The following TMC2 variants were observed in gnomAD, a reference collection of about 807,000 sequenced individuals.
TMC2 encodes transmembrane channel like 2.
A neutral mutation model predicts 105.9 loss-of-function variants in TMC2; 102 were observed. That is an observed-to-expected ratio of 0.96 (90% CI 0.82 to 1.14). The LOEUF is 1.14. TMC2 is among the 50% of genes most tolerant of loss of function. The probability of loss-of-function intolerance (pLI) is 0.00; values close to 1 mark genes in which losing one functional copy is unlikely to be tolerated. For synonymous variants in TMC2, 402 were observed against 422.8 expected, an observed-to-expected ratio of 0.95 and a Z score of 0.60; for missense variants, 1,093 against 1,134.3, an observed-to-expected ratio of 0.96 and a Z score of 0.52.
At position 2,610,457 on chromosome 20, in the gene TMC2, C is replaced by G. The variant is rs1196722539; in HGVS notation, c.1452C>G (p.Pro484=). The G allele has an allele frequency of 1.2e-6, 2 of 1,613,046 alleles. No homozygotes were observed. The highest frequency in any genetic ancestry group is 1.7e-6 in the Non-Finnish European group (2 of 1,179,500). Residue 484 remains proline (P), a synonymous_variant, in exon 12 of 20, where the codon CCC becomes CCG. Transcript: ENST00000358864. The stretch of plus-strand genomic sequence containing the variant: ...TGTCCCTGCTTGGAATGTTTTGTCC[C>G]CCTCTGTTTGAAACCATCGCTGCCC... ...IVMSLLGMFC[P]PLFETIAALE...
intron 10 of TMC2, among the ~76,000 whole-genome samples, chr20:2,600,310 C>CA (rs1226690354): frequency 6.6e-6 from 1 of 152,166 alleles, no homozygotes; most frequent in Non-Finnish European, 1.5e-5. Flanking sequence ...CTGGTTCTAC[C>CA]AATTACTCTG....
intron 4 of TMC2, among the ~76,000 whole-genome samples, chr20:2,568,530 A>G (rs1376392828): frequency 6.6e-6 from 1 of 152,192 alleles, no homozygotes; most frequent in African/African-American, 2.4e-5. Flanking sequence ...GCTGGGCTCA[A>G]TGACTCAGGC....
chr20:2,538,577 C>T (rs565945891), intron 2 of TMC2, among the ~76,000 whole-genome samples: 1 of 152,294 alleles, frequency 6.6e-6, no homozygotes, highest in East Asian at 1.9e-4. Flanking sequence ...AGCCTGGCCT[C>T]CCTCTGCCTC....
At position 2,561,172 on chromosome 20, in the gene TMC2, A is replaced by G. The variant is rs533346281; in HGVS notation, c.402-686A>G. Among the ~76,000 whole-genome samples, 9 of 152,366 alleles carry G rather than the reference A, an allele frequency of 5.9e-5. No individual in the cohort carries two copies. The East Asian group carries it at 1.7e-3, about 29-fold the overall frequency. On this transcript the variant is annotated intron_variant, in intron 3 of 19. Transcript: ENST00000358864. ...TGATTTGATTTGACTTTGAAGCCAA[A>G]ACAGTTCTTCTACAAAAAGACAAAC...
intron 11 of TMC2, among the ~76,000 whole-genome samples, chr20:2,604,818 A>G (rs1037634509): frequency 2.0e-5 from 3 of 152,206 alleles, no homozygotes; most frequent in African/African-American, 7.2e-5. Context: ...GAGTTTGAAG[A>G]GTGGGCCTGG....
At chr20:2,627,500 A>G (rs1247142602) in intron 17 of TMC2, among the ~76,000 whole-genome samples, 1 of 152,210 alleles carries the variant, frequency 6.6e-6, no homozygotes, top group Admixed American at 6.5e-5. Context: ...CTGTGGCAGT[A>G]ATTAACTCTG....
intron 7 of TMC2, among the ~76,000 whole-genome samples, chr20:2,584,641 C>G (rs117191302): frequency 0.018 from 2,689 of 152,124 alleles, 43 homozygotes; most frequent in Middle Eastern, 0.034. Context: ...ACAGTCATCT[C>G]TTATTTTCTA....
At chr20:2,595,114 G>A in intron 9 of TMC2, 147 bp downstream of exon 9, 1 of 954,520 alleles carries the variant, frequency 1.0e-6, no homozygotes, top group Non-Finnish European at 1.6e-6. Context: ...TATAATTTGT[G>A]GTATGAAAGA....
chr20:2,605,106 G>A (rs1447892580), intron 11 of TMC2, among the ~76,000 whole-genome samples: 10 of 152,134 alleles, frequency 6.6e-5, no homozygotes, highest in Admixed American at 6.6e-4. Context: ...TTCACCTGTG[G>A]AGTCTGTGCT....
chr20:2,635,282 C>T (rs1488422758), intron 17 of TMC2, among the ~76,000 whole-genome samples: 1 of 152,178 alleles, frequency 6.6e-6, no homozygotes, highest in Non-Finnish European at 1.5e-5. Context: ...TGCTAGGGCA[C>T]TCTGAGCAGG....
chr20:2,554,658 A>G (rs114558536), intron 2 of TMC2, among the ~76,000 whole-genome samples: 1,884 of 152,268 alleles, frequency 0.012, 37 homozygotes, highest in African/African-American at 0.043. Flanking sequence ...GTAGTCCAAA[A>G]TATTTTTTCA....
At position 2,616,529 on chromosome 20, in the gene TMC2, G is replaced by A. The variant is rs902446730; in HGVS notation, c.1940+325G>A. On this transcript the variant is annotated intron_variant, in intron 15 of 19. Coordinates refer to ENST00000358864, the MANE Select transcript of TMC2 (RefSeq NM_080751.3). This position sits in a 1 kb window ranked among gnomAD's most constrained non-coding sequence, Gnocchi z 4.8. ...GACAAAGGAAAGGGAAAAGGAAGGA[G>A]TAAAGAAGAGGAGGAAAAGAGGAGG... Among the ~76,000 whole-genome samples the A allele has an allele frequency of 1.2e-4, 17 of 138,398 alleles. No homozygotes were observed. The highest frequency in any genetic ancestry group is 5.3e-4 in the African/African-American group (17 of 32,154). 90.8% of individuals were successfully genotyped at this position (138,398 alleles called of 152,430 possible). A position where few individuals can be genotyped will look rare whatever the true frequency, so the allele number is the denominator to read the frequency against.
intron 13 of TMC2, 35 bp downstream of exon 13, chr20:2,612,375 G>C: frequency 1.4e-6 from 2 of 1,473,096 alleles, no homozygotes; most frequent in Non-Finnish European, 9.1e-7. Context: ...GGTGACCCCT[G>C]TTCTCAGTTC....
intron 16 of TMC2, among the ~76,000 whole-genome samples, chr20:2,619,938 G>T (rs1236822891): frequency 6.6e-6 from 1 of 152,162 alleles, no homozygotes; most frequent in Non-Finnish European, 1.5e-5. Flanking sequence ...GGCTAGCCAG[G>T]CATGGTGGTA....
intron 9 of TMC2, 34 bp downstream of exon 9, chr20:2,595,001 T>A: frequency 6.2e-7 from 1 of 1,600,088 alleles, no homozygotes; most frequent in Non-Finnish European, 8.5e-7. Flanking sequence ...AGGCTTTGAC[T>A]TCACAGCCAC....
rs1301827322 is a variant in TMC2 at position 2,558,682 on chromosome 20, G to C, written c.309G>C (p.Glu103Asp). ...GCGAGGGCAGGAGAAAGCGCGACGA[G>C]AGGGCCTCCTTCCAGGAGCGGACAG... is the stretch of plus-strand genomic sequence containing the variant. Reference protein sequence around the residue: ...RTCEGRRKRDERASFQERTAA... With the variant: ...RTCEGRRKRDDRASFQERTAA... Residue 103 changes from glutamate to aspartate, a missense_variant, in exon 3 of 20, where the codon GAG (glutamate) becomes GAC (aspartate). Coordinates refer to ENST00000358864, the MANE Select transcript of TMC2 (RefSeq NM_080751.3). This position sits in a 1 kb window ranked among gnomAD's most constrained non-coding sequence, Gnocchi z 4.6. The C allele has an allele frequency of 1.9e-6, 3 of 1,601,662 alleles. No homozygotes were observed. The highest frequency in any genetic ancestry group is 1.7e-4 in the Middle Eastern group (1 of 6,044).
rs574761418 is a variant in TMC2 at position 2,576,909 on chromosome 20, T to G, written c.646-2237T>G. ...TTGGGGTTTCTTCTTGGTTTTTTTT[T>G]TTTGTTTTTTTTTTTTTGAGATGGA... On this transcript the variant is annotated intron_variant, in intron 5 of 19. Coordinates refer to ENST00000358864, the MANE Select transcript of TMC2 (RefSeq NM_080751.3). 4.1e-5 allele frequency among the ~76,000 whole-genome samples: 5 copies of G among 121,580 alleles called. No homozygotes were observed. In the East Asian group the frequency reaches 9.1e-4, roughly 22 times the overall value. 79.8% of individuals were successfully genotyped at this position (121,580 alleles called of 152,430 possible).
intron 13 of TMC2, 71 bp from the exon 14 acceptor site, chr20:2,613,123 C>T: frequency 2.6e-6 from 4 of 1,550,508 alleles, no homozygotes; most frequent in Non-Finnish European, 3.5e-6. Context: ...AGACTCTCAA[C>T]AAACTCTCAG....
Position 2,610,556 on chromosome 20 carries a change from C to G in TMC2, c.1551C>G (p.Leu517=), listed in dbSNP as rs769245464. ...TCTTTGCACTCTTCCTGGGGAACCTCTACACATTTCTCTTGGCCCTGATGG... is the reference window on the plus strand; with the variant it reads ...TCTTTGCACTCTTCCTGGGGAACCTGTACACATTTCTCTTGGCCCTGATGG... The part of the protein sequence containing the change: ...GRIFALFLGN[L]YTFLLALMDD... Residue 517 remains leucine (L), a synonymous_variant, in exon 12 of 20, where the codon CTC becomes CTG. Transcript: ENST00000358864. 5 of 1,612,030 alleles carry G rather than the reference C, an allele frequency of 3.1e-6. No individual in the cohort carries two copies. The highest frequency in any genetic ancestry group is 1.7e-5 in the Admixed American group (1 of 59,822).
Sources: gnomAD v4.1 joint callset for allele counts (sites outside exome capture counted in the v4.1 genomes callset) on GRCh38, gnomAD v4.1.1 for gene constraint, Gnocchi (gnomAD v3.1) non-coding constraint, MANE v1.5 for transcripts, NCBI Gene and HGNC (gene_info 2026-07-23, HGNC 2026-07-21) for gene names.